AFF1: variants seen among roughly 807,000 people sequenced by gnomAD.
AFF1 encodes AF4/FMR2 family member 1.
A neutral mutation model predicts 121.7 loss-of-function variants in AFF1; 48 were observed. The ratio of observed to expected loss-of-function variants is 0.39; its 90% CI spans 0.31 to 0.50. AFF1 has a LOEUF of 0.50. AFF1 is among the 20% of genes least tolerant of loss of function. The probability of loss-of-function intolerance (pLI) is 0.76; values close to 1 mark genes in which losing one functional copy is unlikely to be tolerated. For synonymous variants in AFF1, 613 were observed against 563.0 expected (o/e 1.09, Z -1.26); for missense variants, 1,523 against 1,511.7 (o/e 1.01, Z -0.12).
intron 2 of AFF1, among the ~76,000 whole-genome samples, chr4:86,995,384 G>T (rs1319353566): frequency 6.8e-6 from 1 of 147,836 alleles, no homozygotes; most frequent in Non-Finnish European, 1.5e-5. Context: ...CGGTACTGCT[G>T]CCATCTCGGC....
intron 2 of AFF1, among the ~76,000 whole-genome samples, chr4:86,964,662 G>A (rs1203211687): frequency 6.7e-6 from 1 of 150,074 alleles, no homozygotes; most frequent in Non-Finnish European, 1.5e-5. Context: ...TCGAACTCCC[G>A]AGCTCAGGTG....
chr4:87,027,881 C>T (rs943890050), intron 2 of AFF1, among the ~76,000 whole-genome samples: 2 of 145,828 alleles, frequency 1.4e-5, no homozygotes, highest in Non-Finnish European at 3.0e-5. Flanking sequence ...GCAACCTCTG[C>T]CTCCTGGGGT....
At chr4:86,940,484 C>T (rs1720373572) in intron 1 of AFF1, among the ~76,000 whole-genome samples, 1 of 152,192 alleles carries the variant, frequency 6.6e-6, no homozygotes, top group South Asian at 2.1e-4. Context: ...TCACTGCAAC[C>T]TTCGCCTCCC....
chr4:87,046,618 A>G, intron 3 of AFF1, 77 bp from the exon 4 acceptor site: 3 of 1,421,564 alleles, frequency 2.1e-6, no homozygotes, highest in East Asian at 2.3e-5. Context: ...TTTCCTTAAT[A>G]GTATTATATA....
intron 4 of AFF1, among the ~76,000 whole-genome samples, chr4:87,053,571 G>T (rs1731471292): frequency 6.6e-6 from 1 of 152,164 alleles, no homozygotes; most frequent in Non-Finnish European, 1.5e-5. Flanking sequence ...TGGATATGCC[G>T]ATGGTGCACA....
intron 4 of AFF1, among the ~76,000 whole-genome samples, chr4:87,074,385 G>C (rs570457933): frequency 2.0e-5 from 3 of 152,192 alleles, no homozygotes; most frequent in Non-Finnish European, 2.9e-5. Flanking sequence ...GCTTCATGGG[G>C]CCTCATGTGG....
At chr4:86,972,926 C>T (rs62306467) in intron 2 of AFF1, among the ~76,000 whole-genome samples, 7,006 of 152,182 alleles carry the variant, frequency 0.046, 226 homozygotes, top group Middle Eastern at 0.075. Flanking sequence ...TTAGTAACCC[C>T]CATTATATTT....
At chr4:86,990,120 A>G (rs998159852) in intron 2 of AFF1, among the ~76,000 whole-genome samples, 4 of 151,936 alleles carry the variant, frequency 2.6e-5, no homozygotes, top group African/African-American at 9.7e-5. Flanking sequence ...GCACATGTAT[A>G]CCTATGTAAC....
At chr4:86,991,686 A>C (rs1000480185) in intron 2 of AFF1, among the ~76,000 whole-genome samples, 8 of 151,968 alleles carry the variant, frequency 5.3e-5, no homozygotes, top group African/African-American at 1.9e-4. Flanking sequence ...TTTTTAAAGG[A>C]TGTGGGTGCA....
intron 1 of AFF1, among the ~76,000 whole-genome samples, chr4:86,942,018 A>C (rs965968433): frequency 6.6e-6 from 1 of 152,118 alleles, no homozygotes; most frequent in Non-Finnish European, 1.5e-5. Flanking sequence ...GAACAGAGTA[A>C]AGGTACTAAG....
intron 2 of AFF1, among the ~76,000 whole-genome samples, chr4:86,985,507 C>CAAAAAAAA (rs34276113): frequency 1.0e-5 from 1 of 96,506 alleles, no homozygotes; most frequent in Non-Finnish European, 2.1e-5. Context: ...GACACTGTCT[C>CAAAAAAAA]AAAAAAAAAA....
chr4:86,985,181 C>CTATATATATATATATATATATATATA (rs55891819), intron 2 of AFF1, among the ~76,000 whole-genome samples: 23 of 96,480 alleles, frequency 2.4e-4, no homozygotes, highest in Admixed American at 6.9e-4. Context: ...ATATGTATTA[C>CTATATATATATATATATATATATATA]TATATATATA....
At chr4:87,038,564 G>C (rs546130549) in intron 2 of AFF1, among the ~76,000 whole-genome samples, 1 of 152,304 alleles carries the variant, frequency 6.6e-6, no homozygotes, top group African/African-American at 2.4e-5. Flanking sequence ...AAATGAAAAA[G>C]TCACTTACAT....
At chr4:87,017,842 A>AAT (rs1727465699) in intron 2 of AFF1, among the ~76,000 whole-genome samples, 1 of 152,170 alleles carries the variant, frequency 6.6e-6, no homozygotes, top group Admixed American at 6.5e-5. Context: ...TCTGTTGCAC[A>AAT]AACAAAAATG....
chr4:86,997,483 C>T (rs1725303777), intron 2 of AFF1, among the ~76,000 whole-genome samples: 2 of 152,082 alleles, frequency 1.3e-5, no homozygotes, highest in Admixed American at 6.5e-5. Flanking sequence ...CATACTTGGG[C>T]TGGGCGCAGT....
chr4:87,006,373 T>C (rs1726122133), intron 2 of AFF1, among the ~76,000 whole-genome samples: 1 of 152,220 alleles, frequency 6.6e-6, no homozygotes, highest in African/African-American at 2.4e-5. Context: ...AGTGATTTCG[T>C]TTGTGCTTCG....
intron 12 of AFF1, among the ~76,000 whole-genome samples, chr4:87,115,847 GT>G (rs1164310233): frequency 6.6e-6 from 1 of 151,872 alleles, no homozygotes; most frequent in Non-Finnish European, 1.5e-5. Flanking sequence ...CTGAGCTCAA[GT>G]TATCCACCCG....
At chr4:87,113,659 T>G (rs1237813586) in intron 11 of AFF1, among the ~76,000 whole-genome samples, 1 of 152,212 alleles carries the variant, frequency 6.6e-6, no homozygotes, top group African/African-American at 2.4e-5. Flanking sequence ...TGCAAATCAC[T>G]GTATACTATA....
chr4:87,057,644 G>A (rs1340785135), intron 4 of AFF1, among the ~76,000 whole-genome samples: 1 of 152,098 alleles, frequency 6.6e-6, no homozygotes, highest in East Asian at 1.9e-4. Context: ...AGTGATGTTG[G>A]GGAGTTAGGA....
Sources: allele counts gnomAD v4.1 joint callset (sites outside exome capture counted in the v4.1 genomes callset), GRCh38; gene constraint gnomAD v4.1.1; transcripts MANE v1.5; gene names NCBI Gene and HGNC (gene_info 2026-07-23, HGNC 2026-07-21).